Variants in CIMIP6 observed in about 807,000 individuals in gnomAD.
The protein encoded by CIMIP6 is ciliary microtubule inner protein 6.
the CIMIP6 span, chr2:54,381,880 A>G: frequency 1.3e-6 from 2 of 1,550,188 alleles, no homozygotes; most frequent in Non-Finnish European, 1.7e-6. Context: ...AGACTGTAAC[A>G]GTGGTCCTGT....
the CIMIP6 span, chr2:54,358,958 G>T: frequency 2.7e-6 from 4 of 1,484,414 alleles, no homozygotes; most frequent in Admixed American, 9.5e-5. Flanking sequence ...CTTTTTTTTA[G>T]TACCACTTGC....
chr2:54,352,306 G>C, the CIMIP6 span, among the ~76,000 whole-genome samples: 1 of 151,982 alleles, frequency 6.6e-6, no homozygotes, highest in African/African-American at 2.4e-5. Flanking sequence ...GTTTTATATT[G>C]GTTTTGAAAA....
the CIMIP6 span, among the ~76,000 whole-genome samples, chr2:54,357,806 C>T: frequency 3.3e-5 from 5 of 150,610 alleles, no homozygotes; most frequent in Admixed American, 6.6e-5. Flanking sequence ...AGGATGGTCT[C>T]GATCTCTTGA....
At chr2:54,352,325 T>C in the CIMIP6 span, among the ~76,000 whole-genome samples, 3 of 152,160 alleles carry the variant, frequency 2.0e-5, no homozygotes, top group Non-Finnish European at 4.4e-5. Context: ...AAGAAGCCAC[T>C]CTATAACCAG....
the CIMIP6 span, among the ~76,000 whole-genome samples, chr2:54,348,010 A>T: frequency 6.6e-6 from 1 of 152,292 alleles, no homozygotes; most frequent in Non-Finnish European, 1.5e-5. Context: ...TAAGGACGTA[A>T]GCCCTCTTAA....
chr2:54,373,364 C>T, the CIMIP6 span, among the ~76,000 whole-genome samples: 1 of 151,986 alleles, frequency 6.6e-6, no homozygotes, highest in Non-Finnish European at 1.5e-5. Flanking sequence ...TAACTTCTTA[C>T]TCTTTCTCCA....
the CIMIP6 span, among the ~76,000 whole-genome samples, chr2:54,367,845 T>A: frequency 6.6e-6 from 1 of 152,206 alleles, no homozygotes; most frequent in Non-Finnish European, 1.5e-5. Context: ...ACTTTTTACT[T>A]ACTTGCAATA....
the CIMIP6 span, among the ~76,000 whole-genome samples, chr2:54,345,251 A>C: frequency 6.6e-6 from 1 of 152,196 alleles, no homozygotes; most frequent in Non-Finnish European, 1.5e-5. Context: ...GAAAGAACAC[A>C]TATACTAAAT....
chr2:54,342,490 C>T, the CIMIP6 span, among the ~76,000 whole-genome samples: 2 of 151,812 alleles, frequency 1.3e-5, no homozygotes, highest in Non-Finnish European at 2.9e-5. Flanking sequence ...TCTTGACAAT[C>T]TTCTGACAAG....
chr2:54,378,487 A>AT, the CIMIP6 span, among the ~76,000 whole-genome samples: 1,946 of 152,180 alleles, frequency 0.013, 37 homozygotes, highest in African/African-American at 0.044. Context: ...ATGTTAATGC[A>AT]TTTTTTTTAG....
chr2:54,383,847 T>G, the CIMIP6 span: 1 of 152,144 alleles, frequency 6.6e-6, no homozygotes, highest in South Asian at 2.1e-4. Context: ...ATGAATGGAT[T>G]AATGCTGTTA....
chr2:54,364,364 C>G, the CIMIP6 span, among the ~76,000 whole-genome samples: 2 of 152,132 alleles, frequency 1.3e-5, no homozygotes, highest in Non-Finnish European at 2.9e-5. Flanking sequence ...CAAAAACCAT[C>G]ATTTATTATT....
the CIMIP6 span, chr2:54,334,932 C>T: frequency 3.4e-4 from 544 of 1,594,972 alleles, 8 homozygotes; most frequent in East Asian, 0.012. Flanking sequence ...TGGAAGAGGA[C>T]GTATATATTA....
the CIMIP6 span, among the ~76,000 whole-genome samples, chr2:54,371,371 A>AG: frequency 1.2e-4 from 19 of 152,140 alleles, no homozygotes; most frequent in Non-Finnish European, 8.8e-5. Flanking sequence ...TTGGGTCTTT[A>AG]GGGGGAAGGC....
chr2:54,358,175 A>G, the CIMIP6 span, among the ~76,000 whole-genome samples: 8 of 152,346 alleles, frequency 5.3e-5, no homozygotes, highest in South Asian at 8.3e-4. Flanking sequence ...ATTGGGCGAA[A>G]TGAAAAGAAT....
the CIMIP6 span, among the ~76,000 whole-genome samples, chr2:54,361,775 G>A: frequency 6.6e-6 from 1 of 152,198 alleles, no homozygotes; most frequent in African/African-American, 2.4e-5. Flanking sequence ...GTTTTGGTAT[G>A]AAGACAGGGA....
At chr2:54,354,658 A>G in the CIMIP6 span, among the ~76,000 whole-genome samples, 1 of 151,876 alleles carries the variant, frequency 6.6e-6, no homozygotes, top group East Asian at 1.9e-4. Context: ...AATGCTCTTG[A>G]TTTTTGATTT....
the CIMIP6 span, among the ~76,000 whole-genome samples, chr2:54,335,598 T>A: frequency 7.9e-5 from 12 of 152,240 alleles, no homozygotes; most frequent in Non-Finnish European, 1.5e-5. Context: ...CACACTTCAC[T>A]GACTATCCCA....
the CIMIP6 span, among the ~76,000 whole-genome samples, chr2:54,342,286 G>A: frequency 6.6e-6 from 1 of 152,148 alleles, no homozygotes; most frequent in Non-Finnish European, 1.5e-5. Flanking sequence ...TGAATGAATA[G>A]TTCTGACTTT....
Sources: allele counts gnomAD v4.1 joint callset (sites outside exome capture counted in the v4.1 genomes callset), GRCh38; gene constraint gnomAD v4.1.1; transcripts MANE v1.5; gene names NCBI Gene and HGNC (gene_info 2026-07-23, HGNC 2026-07-21).